DLGAP2: variants seen among roughly 807,000 people sequenced by gnomAD.
DLGAP2 encodes DLG associated protein 2.
In DLGAP2, 26 loss-of-function variants were observed where a neutral mutation model predicts 100.3. The observed-to-expected ratio is 0.26, with a 90% CI of 0.19 to 0.36. The LOEUF is 0.36. Among genes scored for constraint, DLGAP2 ranks in the 10% least tolerant of loss-of-function variants. The probability of loss-of-function intolerance (pLI) is 1.00; values close to 1 mark genes in which losing one functional copy is unlikely to be tolerated. For missense variants in DLGAP2, 1,858 were observed against 1,453.2 expected (o/e 1.28, Z -4.53); for synonymous variants, 886 against 630.1 (o/e 1.41, Z -6.08).
intron 4 of DLGAP2, among the ~76,000 whole-genome samples, chr8:1,545,356 G>A (rs1252384139): frequency 6.6e-6 from 1 of 152,006 alleles, no homozygotes; most frequent in African/African-American, 2.4e-5. Context: ...ATTTAGATTG[G>A]GTAGGCCGGC....
intron 3 of DLGAP2, among the ~76,000 whole-genome samples, chr8:1,452,885 G>C (rs568152806): frequency 2.2e-4 from 33 of 152,288 alleles, no homozygotes; most frequent in Non-Finnish European, 3.5e-4. Context: ...TTGTAAAAGG[G>C]GGGTGGCCAG....
intron 3 of DLGAP2, among the ~76,000 whole-genome samples, chr8:1,472,491 T>C (rs1300797667): frequency 6.6e-6 from 1 of 152,118 alleles, no homozygotes; most frequent in Non-Finnish European, 1.5e-5. Flanking sequence ...TTGAAATCAC[T>C]AAACAAGGAC....
At chr8:1,088,645 C>G in intron 2 of DLGAP2, among the ~76,000 whole-genome samples, 1 of 151,876 alleles carries the variant, frequency 6.6e-6, no homozygotes. Flanking sequence ...CACCACCCCA[C>G]TCTCTCCACC....
intron 10 of DLGAP2, among the ~76,000 whole-genome samples, chr8:1,676,194 A>G (rs1167445696): frequency 6.6e-6 from 1 of 152,172 alleles, no homozygotes; most frequent in East Asian, 1.9e-4. Context: ...TCTTCACCAT[A>G]GGGCGTGATA....
At chr8:1,068,939 C>A (rs781713759) in intron 2 of DLGAP2, among the ~76,000 whole-genome samples, 1 of 152,118 alleles carries the variant, frequency 6.6e-6, no homozygotes, top group Non-Finnish European at 1.5e-5. Context: ...GGGCTCAGGG[C>A]AGGTTCTGGC....
At chr8:964,820 C>T (rs1799808292) in intron 2 of DLGAP2, among the ~76,000 whole-genome samples, 1 of 152,238 alleles carries the variant, frequency 6.6e-6, no homozygotes, top group Admixed American at 6.5e-5. Flanking sequence ...CCTTCCAGCG[C>T]TGCCAGGCTC....
chr8:1,316,268 C>G (rs377405092), intron 3 of DLGAP2, among the ~76,000 whole-genome samples: 11 of 47,962 alleles, frequency 2.3e-4, no homozygotes, highest in African/African-American at 5.5e-4. Flanking sequence ...AAAAATAGAG[C>G]GTGTGCGAGT....
intron 13 of DLGAP2, among the ~76,000 whole-genome samples, chr8:1,695,933 TG>T (rs894176283): frequency 6.6e-6 from 1 of 152,142 alleles, no homozygotes; most frequent in African/African-American, 2.4e-5. Context: ...CTCAAGTGCC[TG>T]GGGGGGCTTT....
At chr8:1,216,512 A>G (rs138614433) in intron 2 of DLGAP2, among the ~76,000 whole-genome samples, 1,573 of 150,220 alleles carry the variant, frequency 0.01, 15 homozygotes, top group South Asian at 0.025. Flanking sequence ...TTTTTTTTCA[A>G]TTTTTTTACA....
chr8:849,192 G>A (rs1035513804), intron 1 of DLGAP2, among the ~76,000 whole-genome samples: 1 of 152,062 alleles, frequency 6.6e-6, no homozygotes, highest in African/African-American at 2.4e-5. Flanking sequence ...CTAGGATCTT[G>A]TGGTGCATGT....
At chr8:1,081,581 C>T (rs557823724) in intron 2 of DLGAP2, among the ~76,000 whole-genome samples, 7 of 152,178 alleles carry the variant, frequency 4.6e-5, no homozygotes, top group Non-Finnish European at 7.3e-5. Flanking sequence ...GAAACCCTGT[C>T]CTCAAGTGAT....
rs564519882 is a variant in DLGAP2, at chr8:859,139, T to C, written c.19-48773T>C. Among the ~76,000 whole-genome samples, 9 of 147,076 alleles carry C rather than the reference T, an allele frequency of 6.1e-5. No homozygotes were observed. The South Asian group carries it at 8.6e-4, about 14-fold the overall frequency. ...CTTTTTTTTTTTTTTTGAGATGGAGTCTCGCTCTATTGCCCAGGCTGGAGT... is the reference window on the plus strand; with the variant it reads ...CTTTTTTTTTTTTTTTGAGATGGAGCCTCGCTCTATTGCCCAGGCTGGAGT... On this transcript the variant is annotated intron_variant, in intron 1 of 14. Coordinates refer to ENST00000637795, the MANE Select transcript of DLGAP2 (RefSeq NM_001346810.2).
chr8:969,827 G>T (rs576155719), intron 2 of DLGAP2, among the ~76,000 whole-genome samples: 19 of 152,296 alleles, frequency 1.2e-4, no homozygotes, highest in African/African-American at 3.6e-4. Flanking sequence ...TGGTGATCGT[G>T]TAGACTTAAA....
At chr8:1,125,108 A>T (rs116969618) in intron 2 of DLGAP2, among the ~76,000 whole-genome samples, 494 of 152,330 alleles carry the variant, frequency 3.2e-3, no homozygotes, top group Non-Finnish European at 4.8e-3. Context: ...CTTCTCTGGC[A>T]GACTCGGACC....
chr8:1,424,276 A>G (rs1225888336), intron 3 of DLGAP2, among the ~76,000 whole-genome samples: 1 of 152,222 alleles, frequency 6.6e-6, no homozygotes, highest in Non-Finnish European at 1.5e-5. Context: ...TGTAGTCTGC[A>G]TCTAACTCTT....
At chr8:820,323 T>C (rs1446524178) in intron 1 of DLGAP2, among the ~76,000 whole-genome samples, 4 of 152,176 alleles carry the variant, frequency 2.6e-5, no homozygotes. Context: ...ACAGAAACAG[T>C]GAAGGAAGGA....
intron 2 of DLGAP2, among the ~76,000 whole-genome samples, chr8:1,121,299 A>G (rs1206450325): frequency 6.9e-6 from 1 of 145,410 alleles, no homozygotes; most frequent in Non-Finnish European, 1.5e-5. Context: ...GTTAGAAGCC[A>G]TGGCCACCCA....
intron 2 of DLGAP2, among the ~76,000 whole-genome samples, chr8:983,439 A>G (rs1800396677): frequency 6.6e-6 from 1 of 151,870 alleles, no homozygotes; most frequent in Admixed American, 6.6e-5. Flanking sequence ...GGTGGAAGGT[A>G]CAGGTCGTCA....
intron 2 of DLGAP2, among the ~76,000 whole-genome samples, chr8:1,123,837 C>T (rs1316845619): frequency 6.6e-6 from 1 of 152,126 alleles, no homozygotes; most frequent in Non-Finnish European, 1.5e-5. Context: ...ATTAACCTCA[C>T]CTTTTCCTCA....
Sources: allele counts gnomAD v4.1 joint callset (sites outside exome capture counted in the v4.1 genomes callset), GRCh38; gene constraint gnomAD v4.1.1; transcripts MANE v1.5; gene names NCBI Gene and HGNC (gene_info 2026-07-23, HGNC 2026-07-21).